MOB1A: variants seen among roughly 807,000 people sequenced by gnomAD.
MOB1A encodes the protein MOB kinase activator 1A.
In MOB1A, 10 loss-of-function variants were observed where a neutral mutation model predicts 25.1. The ratio of observed to expected loss-of-function variants is 0.40; its 90% CI spans 0.25 to 0.68. The LOEUF (loss-of-function observed/expected upper bound fraction) is 0.68, where lower values mean the gene tolerates loss of function less well. Among genes scored for constraint, MOB1A ranks in the 30% least tolerant of loss-of-function variants. The probability of loss-of-function intolerance (pLI) is 0.40; values close to 1 mark genes in which losing one functional copy is unlikely to be tolerated. For missense variants in MOB1A, 177 were observed against 256.3 expected, an observed-to-expected ratio of 0.69 and a Z score of 2.11; for synonymous variants, 81 against 79.5, an observed-to-expected ratio of 1.02 and a Z score of -0.10.
At position 74,152,791 on chromosome 2, in the gene MOB1A, T is replaced by TG. The variant is rs1260390486; in HGVS notation, c.*3776dup. 1 of 152,212 alleles carries TG rather than the reference T, an allele frequency of 6.6e-6. No homozygotes were observed. Among genetic ancestry groups the TG allele is most frequent in the East Asian group, 1.9e-4 (1 of 5,204 alleles). 9.4% of individuals were successfully genotyped at this position (152,212 alleles called of 1,614,324 possible). On this transcript the variant is annotated 3_prime_UTR_variant, in exon 6 of 6. Transcript: ENST00000396049. ...AAAACTAACTTACACAAACTATTTT[T>TG]GATGTAGAATAGAATGCTGTTCTAT...
chr2:74,166,143 A>T (rs1237192426), intron 3 of MOB1A, among the ~76,000 whole-genome samples: 8 of 152,050 alleles, frequency 5.3e-5, no homozygotes, highest in Non-Finnish European at 5.9e-5. Flanking sequence ...AACACAGCAA[A>T]CATTAATCCC....
At chr2:74,161,211 T>C (rs182149017) in intron 4 of MOB1A, among the ~76,000 whole-genome samples, 2 of 152,342 alleles carry the variant, frequency 1.3e-5, no homozygotes, top group East Asian at 3.9e-4. Context: ...CAGTTCTCAA[T>C]AACCTGAAAC....
chr2:74,166,171 A>G (rs1467240222), intron 3 of MOB1A, among the ~76,000 whole-genome samples: 1 of 152,100 alleles, frequency 6.6e-6, no homozygotes, highest in Non-Finnish European at 1.5e-5. Flanking sequence ...GATGGACTTA[A>G]TATTATGAGT....
At chr2:74,170,037 T>C (rs1693242589) in intron 2 of MOB1A, among the ~76,000 whole-genome samples, 1 of 152,222 alleles carries the variant, frequency 6.6e-6, no homozygotes, top group South Asian at 2.1e-4. Flanking sequence ...ACTGCTGATC[T>C]ACAGCAGTTA....
At chr2:74,171,681 T>C (rs564290967) in intron 2 of MOB1A, among the ~76,000 whole-genome samples, 20 of 152,262 alleles carry the variant, frequency 1.3e-4, no homozygotes, top group South Asian at 6.2e-4. Flanking sequence ...AGCAGGCAGA[T>C]TGCCTGAGCT....
intron 2 of MOB1A, among the ~76,000 whole-genome samples, chr2:74,170,742 T>A (rs1173617092): frequency 9.0e-6 from 1 of 111,258 alleles, no homozygotes; most frequent in African/African-American, 3.7e-5. Flanking sequence ...AAAAAAAAAA[T>A]TAGCAGGGCA....
intron 3 of MOB1A, among the ~76,000 whole-genome samples, chr2:74,166,109 G>GA (rs376055293): frequency 0.023 from 3,365 of 144,222 alleles, 121 homozygotes; most frequent in African/African-American, 0.079. Context: ...TTTATTATAA[G>GA]AAAAAAAAAA....
chr2:74,171,853 A>G (rs962065201), intron 2 of MOB1A, among the ~76,000 whole-genome samples: 11 of 152,180 alleles, frequency 7.2e-5, no homozygotes, highest in African/African-American at 2.4e-4. Context: ...CAGTGAAGCA[A>G]GATTGAGCCA....
chr2:74,154,354 T>C lies in MOB1A; in HGVS notation c.*2214A>G, dbSNP rs955809513. 37 of 152,182 alleles carry C rather than the reference T, an allele frequency of 2.4e-4. No individual in the cohort carries two copies. The highest frequency in any genetic ancestry group is 8.4e-4 in the African/African-American group (35 of 41,442). The allele number at this position is 152,182 out of a possible 1,614,324, so 9.4% of individuals were successfully genotyped here. On this transcript the variant is annotated 3_prime_UTR_variant, in exon 6 of 6. Transcript: ENST00000396049. The stretch of plus-strand genomic sequence containing the variant: ...TTGGAGGTAAACACTAATATTTCAG[T>C]GCACTGTTGGTTAAGCCAGATTGGC...
At chr2:74,176,920 T>C (rs921456402) in intron 1 of MOB1A, among the ~76,000 whole-genome samples, 4 of 152,156 alleles carry the variant, frequency 2.6e-5, no homozygotes, top group Non-Finnish European at 4.4e-5. Context: ...CCAGCAATTC[T>C]GCTCCTAAGT....
chr2:74,162,133 C>T (rs897249607), intron 4 of MOB1A, among the ~76,000 whole-genome samples: 3 of 151,994 alleles, frequency 2.0e-5, no homozygotes, highest in Admixed American at 6.6e-5. Flanking sequence ...AGCCTAATGG[C>T]AGGGGAGTGG....
intron 1 of MOB1A, among the ~76,000 whole-genome samples, chr2:74,176,083 TACACACACACACACACACACAC>T (rs58496712): frequency 3.1e-5 from 4 of 129,266 alleles, no homozygotes; most frequent in Non-Finnish European, 4.8e-5. Context: ...CCGCCTCTAC[TACACACACACACACACACACAC>T]ACACACACAC....
chr2:74,165,882 T>G (rs1693117254), intron 3 of MOB1A, among the ~76,000 whole-genome samples: 1 of 152,226 alleles, frequency 6.6e-6, no homozygotes, highest in African/African-American at 2.4e-5. Flanking sequence ...TAGGTAAGTT[T>G]AATTTTCCTG....
intron 2 of MOB1A, among the ~76,000 whole-genome samples, chr2:74,167,527 G>C (rs1421672736): frequency 6.6e-6 from 1 of 152,142 alleles, no homozygotes; most frequent in Non-Finnish European, 1.5e-5. Context: ...AGATACTGGA[G>C]ATAATTCTAA....
chr2:74,167,169 T>C (rs2103719147), intron 2 of MOB1A, 62 bp from the exon 3 acceptor site: 3 of 1,300,912 alleles, frequency 2.3e-6, no homozygotes, highest in Admixed American at 3.6e-5. Context: ...AGACCTCCAG[T>C]TGAAGGAAAA....
At position 74,155,510 on chromosome 2, in the gene MOB1A, G is replaced by C. The variant is rs1001225998; in HGVS notation, c.*1058C>G. The C allele has an allele frequency of 6.6e-6, 1 of 152,494 alleles. No individual in the cohort carries two copies. Among genetic ancestry groups the C allele is most frequent in the South Asian group, 2.1e-4 (1 of 4,826 alleles). 9.4% of individuals were successfully genotyped at this position (152,494 alleles called of 1,614,324 possible). ...GTTATAAGATGTGTACACCTTCATG[G>C]TTTATTGTGGTTTTCCTTAAGTTTT... On this transcript the variant is annotated 3_prime_UTR_variant, in exon 6 of 6. Coordinates refer to ENST00000396049, the MANE Select transcript of MOB1A (RefSeq NM_018221.5).
chr2:74,178,421 C>T (rs1419673738), intron 1 of MOB1A: 7 of 340,564 alleles, frequency 2.1e-5, no homozygotes, highest in Non-Finnish European at 3.7e-5. Context: ...GGAGGCGCGA[C>T]GGCCCCGGGG....
chr2:74,158,127 C>G (rs1030413324), intron 5 of MOB1A, among the ~76,000 whole-genome samples: 2 of 148,340 alleles, frequency 1.3e-5, no homozygotes, highest in Non-Finnish European at 3.0e-5. Context: ...TTGCAGTTAG[C>G]CGAGATCGTG....
At chr2:74,166,816 C>G (rs1693142042) in intron 3 of MOB1A, among the ~76,000 whole-genome samples, 198 bp downstream of exon 3, 1 of 152,286 alleles carries the variant, frequency 6.6e-6, no homozygotes, top group East Asian at 1.9e-4. Flanking sequence ...AGCCTGGCAA[C>G]AGAGCGAGAC....
Sources: gnomAD v4.1 joint callset for allele counts (sites outside exome capture counted in the v4.1 genomes callset) on GRCh38, gnomAD v4.1.1 for gene constraint, MANE v1.5 for transcripts, NCBI Gene and HGNC (gene_info 2026-07-23, HGNC 2026-07-21) for gene names.